Variants in SHANK2 observed in about 807,000 individuals in gnomAD.
The protein encoded by SHANK2 is SH3 and multiple ankyrin repeat domains 2, also known as SH3 and multiple ankyrin repeat domains protein 2.
In SHANK2, 43 loss-of-function variants were observed where a neutral mutation model predicts 133.7. The ratio of observed to expected loss-of-function variants is 0.32; its 90% confidence interval spans 0.25 to 0.41. The LOEUF (loss-of-function observed/expected upper bound fraction) is 0.41. Ranked by LOEUF, SHANK2 falls within the 10% of genes least tolerant of loss-of-function variation. The pLI is 1.00. For missense variants in SHANK2, 1,994 were observed against 2,235.8 expected (o/e 0.89, Z 2.18); for synonymous variants, 1,017 against 952.8 (o/e 1.07, Z -1.24).
chr11:70,561,003 G>T (rs79896662), intron 17 of SHANK2, among the ~76,000 whole-genome samples: 2 of 152,190 alleles, frequency 1.3e-5, no homozygotes, highest in East Asian at 3.8e-4. Flanking sequence ...AAAAGAGAGC[G>T]CAGAGATAGC....
chr11:70,755,037 C>T lies in SHANK2; in HGVS notation c.1777+43406G>A, dbSNP rs577211596. On this transcript the variant is annotated intron_variant, in intron 14 of 25. Coordinates refer to ENST00000601538, the MANE Select transcript of SHANK2 (RefSeq NM_012309.5). ...ATCCCAGAAGTACTTCGAAATGTCCCGCACAATTCCTATGTATGAAAACCC... is the reference window on the plus strand; with the variant it reads ...ATCCCAGAAGTACTTCGAAATGTCCTGCACAATTCCTATGTATGAAAACCC... Among the ~76,000 whole-genome samples the T allele has an allele frequency of 7.2e-5, 11 of 151,950 alleles. No homozygotes were observed. In the South Asian group the frequency reaches 1.9e-3, roughly 26 times the overall value.
intron 2 of SHANK2, among the ~76,000 whole-genome samples, chr11:71,218,848 C>T (rs1480722385): frequency 6.6e-6 from 1 of 152,214 alleles, no homozygotes; most frequent in Non-Finnish European, 1.5e-5. Flanking sequence ...AACCCAGCCT[C>T]GTTCTTCCAG....
chr11:71,114,520 C>T (rs10792478), intron 4 of SHANK2, among the ~76,000 whole-genome samples: 42,177 of 152,076 alleles, frequency 0.28, 6,872 homozygotes, highest in East Asian at 0.55. Context: ...CAGACTGATA[C>T]TTGTGGGGTT....
intron 14 of SHANK2, among the ~76,000 whole-genome samples, chr11:70,740,941 C>T (rs1555034600): frequency 6.6e-6 from 1 of 152,084 alleles, no homozygotes; most frequent in Non-Finnish European, 1.5e-5. Context: ...ATCAAGGGGA[C>T]AAACTATGAC....
rs782289834 is a variant in SHANK2 at position 70,486,670 on chromosome 11, C to G, written c.3623G>C (p.Arg1208Pro). 1 of 1,611,814 alleles carries G rather than the reference C, an allele frequency of 6.2e-7. No individual in the cohort carries two copies. Among genetic ancestry groups the G allele is most frequent in the South Asian group, 1.1e-5 (1 of 91,082 alleles). The change falls in exon 25 of 26, where the codon CGG becomes CCG. Residue 1208 changes from arginine to proline, a missense_variant. Physicochemically the swap from Arg to Pro is moderately radical, Grantham distance 103. Transcript: ENST00000601538. The surrounding 1 kb of genome is among the most constrained non-coding windows in gnomAD (Gnocchi z 8.0). ...CAGCGGGGAGCTGGGATCAAGCAGC[C>G]GCCCTGTGAGTGGGTGGACATAATT... ...PGNYVHPLTG[R>P]LLDPSSPLAL...
intron 17 of SHANK2, among the ~76,000 whole-genome samples, chr11:70,646,631 T>A (rs1185590362): frequency 6.6e-6 from 1 of 152,208 alleles, no homozygotes; most frequent in Non-Finnish European, 1.5e-5. Context: ...GGCTCCAGGC[T>A]TGAGCCTAAC....
chr11:71,247,827 C>T (rs1211030520), intron 1 of SHANK2, among the ~76,000 whole-genome samples: 3 of 152,190 alleles, frequency 2.0e-5, no homozygotes, highest in Non-Finnish European at 4.4e-5. Flanking sequence ...ACCCCAGAGT[C>T]GCTACCATAC....
chr11:71,062,447 G>A (rs1232174528), intron 9 of SHANK2, among the ~76,000 whole-genome samples: 1 of 152,148 alleles, frequency 6.6e-6, no homozygotes, highest in Non-Finnish European at 1.5e-5. Flanking sequence ...AGCAAGAGAG[G>A]AGGGACCTCA....
chr11:71,241,349 G>A (rs1422769969), intron 1 of SHANK2, among the ~76,000 whole-genome samples: 1 of 152,096 alleles, frequency 6.6e-6, no homozygotes, highest in Non-Finnish European at 1.5e-5. Context: ...GACTATTAAG[G>A]AAACATCAAG....
At chr11:71,153,932 T>C (rs1952851460) in intron 2 of SHANK2, among the ~76,000 whole-genome samples, 1 of 152,166 alleles carries the variant, frequency 6.6e-6, no homozygotes, top group African/African-American at 2.4e-5. Flanking sequence ...ATCGTACCAC[T>C]GCACTCCAGC....
At chr11:70,614,869 C>T (rs1406658673) in intron 17 of SHANK2, among the ~76,000 whole-genome samples, 1 of 152,224 alleles carries the variant, frequency 6.6e-6, no homozygotes, top group East Asian at 1.9e-4. Flanking sequence ...CACGGGAGTA[C>T]TGGATGTCCC....
chr11:70,570,760 G>A (rs1413762023), intron 17 of SHANK2: 1 of 152,198 alleles, frequency 6.6e-6, no homozygotes, highest in Non-Finnish European at 1.5e-5. Flanking sequence ...ATAGACCGAG[G>A]CCCTCTGGGA....
rs1199118570 is a variant in SHANK2 at position 70,599,791 on chromosome 11, GAAGAA to G, written c.2061+60032_2061+60036del. ...CGGGTTACAGTGTGAGATTCTGAAA[GAAGAA>G]AAGAAAAGAAAGAAGAGGGAGAAGG... On this transcript the variant is annotated intron_variant, in intron 17 of 25. Transcript: ENST00000601538. Among the ~76,000 whole-genome samples, 21 of 146,646 alleles carry G rather than the reference GAAGAA, an allele frequency of 1.4e-4. No homozygotes were observed. In the South Asian group the frequency reaches 3.6e-3, roughly 25 times the overall value.
At chr11:70,536,189 C>A (rs570248432) in intron 17 of SHANK2, among the ~76,000 whole-genome samples, 1 of 152,336 alleles carries the variant, frequency 6.6e-6, no homozygotes, top group South Asian at 2.1e-4. Flanking sequence ...GCCTCACTGC[C>A]CGGCTCTGTG....
At chr11:70,618,202 GA>G (rs200180906) in intron 17 of SHANK2, among the ~76,000 whole-genome samples, 2,943 of 150,736 alleles carry the variant, frequency 0.02, 43 homozygotes, top group Non-Finnish European at 0.031. Context: ...GCTGAAGCAG[GA>G]GAATCATTTG....
rs371294238 is a variant in SHANK2 at position 71,094,291 on chromosome 11, G to C, written c.744+246C>G. Among the ~76,000 whole-genome samples the C allele has an allele frequency of 1.9e-3, 296 of 152,266 alleles. 2 individuals carry two copies. The highest frequency in any genetic ancestry group is 5.7e-3 in the African/African-American group (235 of 41,540). On this transcript the variant is annotated intron_variant, in intron 7 of 25. Transcript: ENST00000601538. The stretch of plus-strand genomic sequence containing the variant: ...AAAAGACAAGTCCCTTGACTGAATA[G>C]AAGGTGAAAGATGACTTCTTGGGAA...
chr11:71,176,601 A>G (rs1192416675), intron 2 of SHANK2, among the ~76,000 whole-genome samples: 1 of 152,240 alleles, frequency 6.6e-6, no homozygotes, highest in African/African-American at 2.4e-5. Context: ...CAAATTACAC[A>G]TCACACAAAA....
Position 70,688,169 on chromosome 11 carries a change from C to T in SHANK2, c.1853+10519G>A, listed in dbSNP as rs549414818. Among the ~76,000 whole-genome samples the T allele has an allele frequency of 2.1e-3, 326 of 152,332 alleles. 6 individuals carry two copies. Among genetic ancestry groups the T allele is most frequent in the African/African-American group, 7.5e-3 (313 of 41,572 alleles). ...ACCCCAACCTGAAGACCAAGTGCGC[C>T]CAGCCCCAATGCAGAACAGTTGCTG... On this transcript the variant is annotated intron_variant, in intron 15 of 25. Coordinates refer to ENST00000601538, the MANE Select transcript of SHANK2 (RefSeq NM_012309.5).
intron 10 of SHANK2, chr11:70,942,813 C>T (rs1555084611): frequency 1.8e-5 from 8 of 456,750 alleles, no homozygotes; most frequent in Non-Finnish European, 2.2e-5. Flanking sequence ...AACACTGCCA[C>T]TCAGTGGCCA....
Sources: allele counts gnomAD v4.1 joint callset (sites outside exome capture counted in the v4.1 genomes callset), GRCh38; gene constraint gnomAD v4.1.1; non-coding constraint Gnocchi (gnomAD v3.1); transcripts MANE v1.5; gene names NCBI Gene and HGNC (gene_info 2026-07-23, HGNC 2026-07-21).